The following C8orf34 variants were observed in gnomAD, a reference collection of about 807,000 sequenced individuals.
C8orf34 encodes chromosome 8 open reading frame 34, also known as uncharacterized protein C8orf34.
A neutral mutation model predicts 68.3 loss-of-function variants in C8orf34; 65 were observed. The observed-to-expected ratio is 0.95, with a 90% CI of 0.78 to 1.17. The LOEUF (loss-of-function observed/expected upper bound fraction) is 1.17, where lower values mean the gene tolerates loss of function less well. C8orf34 is among the 50% of genes most tolerant of loss of function. C8orf34 has a pLI of 0.00. For synonymous variants in C8orf34, 244 were observed against 241.2 expected (o/e 1.01, Z -0.11); for missense variants, 664 against 655.4 (o/e 1.01, Z -0.14).
intron 8 of C8orf34, among the ~76,000 whole-genome samples, chr8:68,704,177 TA>T (rs1437477167): frequency 6.6e-6 from 1 of 152,154 alleles, no homozygotes. Flanking sequence ...CACAGACATC[TA>T]CATAAATAAT....
intron 8 of C8orf34, among the ~76,000 whole-genome samples, chr8:68,668,774 G>A (rs1398029809): frequency 6.6e-6 from 1 of 152,204 alleles, no homozygotes; most frequent in East Asian, 1.9e-4. Flanking sequence ...AGGGCTCAAG[G>A]TGTCATTACT....
chr8:68,432,019 A>C (rs150399435), intron 1 of C8orf34, among the ~76,000 whole-genome samples: 166 of 152,264 alleles, frequency 1.1e-3, no homozygotes, highest in African/African-American at 3.7e-3. Context: ...TGTTTAAGAA[A>C]GCCAAGAGTC....
chr8:68,773,152 A>G (rs1342910258), intron 10 of C8orf34, among the ~76,000 whole-genome samples: 6 of 152,192 alleles, frequency 3.9e-5, no homozygotes, highest in South Asian at 4.2e-4. Context: ...ATTTTATTTC[A>G]TTAGCGATCC....
chr8:68,472,515 C>T (rs1406364585), intron 4 of C8orf34, among the ~76,000 whole-genome samples: 2 of 152,068 alleles, frequency 1.3e-5, no homozygotes, highest in East Asian at 3.9e-4. Flanking sequence ...TCAGGAGGCC[C>T]ACTCACACTC....
chr8:68,492,006 C>A (rs138235577), intron 5 of C8orf34, among the ~76,000 whole-genome samples: 1 of 152,150 alleles, frequency 6.6e-6, no homozygotes, highest in African/African-American at 2.4e-5. Context: ...GGTGTTTACA[C>A]GCTTCTTTCC....
At chr8:68,791,098 T>C (rs1184616400) in intron 12 of C8orf34, 1 of 531,320 alleles carries the variant, frequency 1.9e-6, no homozygotes, top group Non-Finnish European at 3.3e-6. Flanking sequence ...CAAGACAGTG[T>C]ATTAGTCGGT....
intron 1 of C8orf34, among the ~76,000 whole-genome samples, chr8:68,399,821 G>T (rs1436699069): frequency 6.6e-6 from 1 of 152,004 alleles, no homozygotes; most frequent in Non-Finnish European, 1.5e-5. Context: ...ACCAACATCT[G>T]TTATTTATTT....
At chr8:68,380,646 T>C (rs1382953854) in intron 1 of C8orf34, among the ~76,000 whole-genome samples, 1 of 152,228 alleles carries the variant, frequency 6.6e-6, no homozygotes, top group East Asian at 1.9e-4. Flanking sequence ...CAATATTGCA[T>C]TGACATTAAA....
At chr8:68,556,686 G>A (rs576042541) in intron 7 of C8orf34, among the ~76,000 whole-genome samples, 5 of 152,222 alleles carry the variant, frequency 3.3e-5, no homozygotes, top group South Asian at 4.1e-4. Flanking sequence ...ATCCTCGGCC[G>A]ATGTACTCCC....
At chr8:68,480,892 C>A (rs1326197964) in intron 4 of C8orf34, among the ~76,000 whole-genome samples, 3 of 152,132 alleles carry the variant, frequency 2.0e-5, no homozygotes, top group Non-Finnish European at 2.9e-5. Flanking sequence ...AATTTGCAGC[C>A]TGACTTTGCA....
At chr8:68,530,303 C>T (rs1815188305) in intron 6 of C8orf34, among the ~76,000 whole-genome samples, 1 of 151,930 alleles carries the variant, frequency 6.6e-6, no homozygotes, top group Admixed American at 6.6e-5. Flanking sequence ...GTAACTTGCC[C>T]CAAATTATTC....
intron 10 of C8orf34, among the ~76,000 whole-genome samples, chr8:68,748,986 C>A (rs1483966497): frequency 6.6e-6 from 1 of 151,948 alleles, no homozygotes; most frequent in Non-Finnish European, 1.5e-5. Context: ...TGGAACCAAC[C>A]CAAATGTCCA....
intron 8 of C8orf34, among the ~76,000 whole-genome samples, chr8:68,677,385 G>A (rs1042211499): frequency 6.6e-6 from 1 of 151,926 alleles, no homozygotes; most frequent in Middle Eastern, 3.2e-3. Flanking sequence ...TTAAGACAGG[G>A]TCTCACTGTG....
intron 7 of C8orf34, among the ~76,000 whole-genome samples, chr8:68,612,126 C>T (rs1818040418): frequency 6.6e-6 from 1 of 151,528 alleles, no homozygotes; most frequent in Non-Finnish European, 1.5e-5. Context: ...GGAGGTAGGA[C>T]GGTCATCTCG....
intron 4 of C8orf34, among the ~76,000 whole-genome samples, chr8:68,480,661 G>T (rs1303314701): frequency 2.0e-5 from 3 of 152,186 alleles, no homozygotes; most frequent in East Asian, 1.9e-4. Flanking sequence ...TGAGGAACTT[G>T]TTGGGAACTG....
rs149278925 is a variant in C8orf34, at chr8:68,336,370, G to C, written c.327+5031G>C. Among the ~76,000 whole-genome samples, 411 of 152,186 alleles carry C rather than the reference G, an allele frequency of 2.7e-3. 5 individuals carry two copies. The highest frequency in any genetic ancestry group is 9.4e-3 in the African/African-American group (392 of 41,536). Reference sequence around the variant, plus strand: ...CTGGCAGGGTCAGAAGATTTGTTACGTACAAGGTGGGGGCAGGGTATTCAG... The same window carrying C: ...CTGGCAGGGTCAGAAGATTTGTTACCTACAAGGTGGGGGCAGGGTATTCAG... On this transcript the variant is annotated intron_variant, in intron 1 of 13. Transcript: ENST00000518698.
chr8:68,339,304 G>A (rs1199787537), intron 1 of C8orf34, among the ~76,000 whole-genome samples: 2 of 151,730 alleles, frequency 1.3e-5, no homozygotes, highest in African/African-American at 2.4e-5. Context: ...TTAGATGCAA[G>A]GTATCTTTTA....
chr8:68,576,872 A>G (rs1816920446), intron 7 of C8orf34, among the ~76,000 whole-genome samples: 1 of 152,096 alleles, frequency 6.6e-6, no homozygotes, highest in Non-Finnish European at 1.5e-5. Flanking sequence ...AAAATAGCAT[A>G]TTGAAATGCA....
intron 7 of C8orf34, among the ~76,000 whole-genome samples, chr8:68,587,972 G>A (rs949447798): frequency 6.6e-6 from 1 of 152,050 alleles, no homozygotes; most frequent in East Asian, 1.9e-4. Flanking sequence ...CATATTTTAG[G>A]TATTTCTGTT....
Sources: allele counts gnomAD v4.1 joint callset (sites outside exome capture counted in the v4.1 genomes callset), GRCh38; gene constraint gnomAD v4.1.1; transcripts MANE v1.5; gene names NCBI Gene and HGNC (gene_info 2026-07-23, HGNC 2026-07-21).